Variants in ANKH observed in about 807,000 individuals in gnomAD.
ANKH encodes the protein mineralization regulator ANKH.
ANKH carries 15 observed loss-of-function variants against 49.0 expected under a neutral mutation model. The observed-to-expected ratio is 0.31, with a 90% CI of 0.20 to 0.47. The LOEUF (loss-of-function observed/expected upper bound fraction) is 0.47. ANKH is among the 20% of genes least tolerant of loss of function. The pLI is 1.00. For synonymous variants in ANKH, 273 were observed against 260.0 expected, an observed-to-expected ratio of 1.05 and a Z score of -0.48; for missense variants, 429 against 652.0, an observed-to-expected ratio of 0.66 and a Z score of 3.72.
chr5:14,823,660 C>T (rs1292727189), intron 1 of ANKH, among the ~76,000 whole-genome samples: 3 of 152,228 alleles, frequency 2.0e-5, no homozygotes, highest in Admixed American at 6.5e-5. Flanking sequence ...GGCGCGGTTG[C>T]TGATGCCTGT....
chr5:14,745,741 A>C lies in ANKH; in HGVS notation c.915+129T>G. On this transcript the variant is annotated intron_variant, in intron 7 of 11. Coordinates refer to ENST00000284268, the MANE Select transcript of ANKH (RefSeq NM_054027.6). This position sits in a 1 kb window ranked among gnomAD's most constrained non-coding sequence, Gnocchi z 4.7. ...AGGAAAATATTCCTTCAATGCCCCC[A>C]ACGTCACATTAACCTTACAAAGGGA... 1 of 806,016 alleles carries C rather than the reference A, an allele frequency of 1.2e-6. No individual in the cohort carries two copies. The highest frequency in any genetic ancestry group is 2.6e-5 in the East Asian group (1 of 38,422). 49.9% of individuals were successfully genotyped at this position (806,016 alleles called of 1,614,324 possible). A position where few individuals can be genotyped will look rare whatever the true frequency, so the allele number is the denominator to read the frequency against.
At chr5:14,771,948 C>CAAAAAAAAACAAAA (rs1307001366) in intron 1 of ANKH, among the ~76,000 whole-genome samples, 14 of 126,280 alleles carry the variant, frequency 1.1e-4, no homozygotes, top group Non-Finnish European at 1.5e-4. Context: ...AAAAAAAAAA[C>CAAAAAAAAACAAAA]CAAAACAAAA....
intron 1 of ANKH, among the ~76,000 whole-genome samples, chr5:14,824,389 GAT>G: frequency 6.6e-6 from 1 of 152,038 alleles, no homozygotes; most frequent in Non-Finnish European, 1.5e-5. Flanking sequence ...CAATAATAGA[GAT>G]ATAAAAAAGC....
rs533104275 is a variant in ANKH at position 14,737,160 on chromosome 5, T to A, written c.1011+4667A>T. Among the ~76,000 whole-genome samples, 1 of 152,214 alleles carries A rather than the reference T, an allele frequency of 6.6e-6. No individual in the cohort carries two copies. The highest frequency in any genetic ancestry group is 2.4e-5 in the African/African-American group (1 of 41,460). On this transcript the variant is annotated intron_variant, in intron 8 of 11. Transcript: ENST00000284268. The surrounding 1 kb of genome is among the most constrained non-coding windows in gnomAD (Gnocchi z 5.0). ...AAATTTGGTAAACTTAGCAGCCCGA[T>A]GGGCTGGCTTTCACCACTTGGCCTG...
chr5:14,733,727 C>T (rs56350972), intron 8 of ANKH, among the ~76,000 whole-genome samples: 1 of 152,262 alleles, frequency 6.6e-6, no homozygotes, highest in African/African-American at 2.4e-5. Flanking sequence ...AGTGAATGGC[C>T]GGTCATCGGG....
At chr5:14,865,988 T>A (rs2126635678) in intron 1 of ANKH, among the ~76,000 whole-genome samples, 1 of 152,320 alleles carries the variant, frequency 6.6e-6, no homozygotes, top group East Asian at 1.9e-4. Context: ...AATTATCATA[T>A]TAGACCCAAC....
At chr5:14,733,198 C>T (rs1738059986) in intron 8 of ANKH, among the ~76,000 whole-genome samples, 1 of 152,194 alleles carries the variant, frequency 6.6e-6, no homozygotes, top group Admixed American at 6.5e-5. Flanking sequence ...CTGTTGTTTG[C>T]CATATGTGCT....
intron 8 of ANKH, among the ~76,000 whole-genome samples, chr5:14,720,578 T>A (rs1303253294): frequency 6.6e-6 from 1 of 152,212 alleles, no homozygotes; most frequent in Non-Finnish European, 1.5e-5. Flanking sequence ...GCCCCCAATA[T>A]GTCCCATAGC....
chr5:14,753,827 C>G (rs1022825853), intron 4 of ANKH, among the ~76,000 whole-genome samples: 1 of 152,132 alleles, frequency 6.6e-6, no homozygotes, highest in Non-Finnish European at 1.5e-5. Flanking sequence ...AAAAACCCCC[C>G]TCGAGAATTG....
At chr5:14,856,444 C>G (rs551276345) in intron 1 of ANKH, among the ~76,000 whole-genome samples, 186 of 109,004 alleles carry the variant, frequency 1.7e-3, no homozygotes, top group East Asian at 0.015. Flanking sequence ...AAAGTTGAAG[C>G]CTACAGAGTT....
chr5:14,771,138 G>A (rs17317417), intron 1 of ANKH, among the ~76,000 whole-genome samples: 24,057 of 152,170 alleles, frequency 0.16, 2,287 homozygotes, highest in Middle Eastern at 0.28. Flanking sequence ...GGAGCCAACG[G>A]GTGCTTGAAA....
intron 2 of ANKH, among the ~76,000 whole-genome samples, chr5:14,765,389 T>C (rs1183164291): frequency 6.6e-6 from 1 of 152,146 alleles, no homozygotes; most frequent in African/African-American, 2.4e-5. Context: ...CAATTCCAAG[T>C]GTCTGCTCTA....
chr5:14,834,121 A>G (rs1434012013), intron 1 of ANKH, among the ~76,000 whole-genome samples: 1 of 152,148 alleles, frequency 6.6e-6, no homozygotes, highest in Non-Finnish European at 1.5e-5. Flanking sequence ...GGTACAAGGA[A>G]AGGAGGACTA....
intron 2 of ANKH, among the ~76,000 whole-genome samples, chr5:14,763,586 C>T (rs754159994): frequency 6.6e-5 from 10 of 152,188 alleles, no homozygotes; most frequent in Admixed American, 2.6e-4. Context: ...TAAACCCATG[C>T]ACAATGTAAG....
chr5:14,801,530 G>C (rs571097185), intron 1 of ANKH, among the ~76,000 whole-genome samples: 2 of 152,280 alleles, frequency 1.3e-5, no homozygotes, highest in South Asian at 4.1e-4. Context: ...TTTAGCTATA[G>C]AATTTCTCAA....
intron 2 of ANKH, among the ~76,000 whole-genome samples, chr5:14,764,726 T>G (rs139104360): frequency 6.6e-6 from 1 of 152,242 alleles, no homozygotes; most frequent in African/African-American, 2.4e-5. Context: ...TCACCCTTTA[T>G]AGAGCTGGTT....
rs530153364 is a variant in ANKH, at chr5:14,710,888, C to G, written c.*309G>C. On this transcript the variant is annotated 3_prime_UTR_variant, in exon 12 of 12. Transcript: ENST00000284268. ...CCTTTGGTTCCAAGAGGAGATTGTC[C>G]AGGGGAGGAGGACACAACGTCAACC... 9 of 389,392 alleles carry G rather than the reference C, an allele frequency of 2.3e-5. No homozygotes were observed. Among genetic ancestry groups the G allele is most frequent in the African/African-American group, 1.7e-4 (8 of 48,124 alleles). 24.1% of individuals were successfully genotyped at this position (389,392 alleles called of 1,614,324 possible).
At chr5:14,746,953 C>A (rs1254257007) in intron 6 of ANKH, among the ~76,000 whole-genome samples, 2 of 152,224 alleles carry the variant, frequency 1.3e-5, no homozygotes, top group African/African-American at 4.8e-5. Flanking sequence ...CACCTGACTC[C>A]AGAATCCTTG....
intron 1 of ANKH, among the ~76,000 whole-genome samples, chr5:14,852,961 CG>C (rs1742158118): frequency 6.6e-6 from 1 of 152,046 alleles, no homozygotes; most frequent in South Asian, 2.1e-4. Context: ...CCCTCCTGTC[CG>C]CCAAACCGTG....
Sources: gnomAD v4.1 joint callset for allele counts (sites outside exome capture counted in the v4.1 genomes callset) on GRCh38, gnomAD v4.1.1 for gene constraint, Gnocchi (gnomAD v3.1) non-coding constraint, MANE v1.5 for transcripts, NCBI Gene and HGNC (gene_info 2026-07-23, HGNC 2026-07-21) for gene names.